Variants in INAVA observed in about 807,000 individuals in gnomAD.
INAVA encodes the protein innate immunity activator protein.
In INAVA, 32 loss-of-function variants were observed where a neutral mutation model predicts 55.3. The ratio of observed to expected loss-of-function variants is 0.58; its 90% CI spans 0.44 to 0.78. The LOEUF is 0.78. Ranked by LOEUF, INAVA falls within the 30% of genes least tolerant of loss-of-function variation. The probability of loss-of-function intolerance (pLI) is 0.00; values close to 1 mark genes in which losing one functional copy is unlikely to be tolerated. For missense variants in INAVA, 756 were observed against 786.4 expected (o/e 0.96, Z 0.46); for synonymous variants, 294 against 329.4 (o/e 0.89, Z 1.16).
At chr1:200,907,690 A>T in intron 5 of INAVA, 144 bp from the exon 6 acceptor site, 1 of 569,746 alleles carries the variant, frequency 1.8e-6, no homozygotes. Context: ...CCCAATGTGT[A>T]TTTAGCACAC....
At chr1:200,909,627 CT>C (rs1168425193) in intron 8 of INAVA, among the ~76,000 whole-genome samples, 1 of 152,230 alleles carries the variant, frequency 6.6e-6, no homozygotes. Flanking sequence ...CTAGTTTTGT[CT>C]TTTTGCATAA....
At position 200,900,124 on chromosome 1, in the gene INAVA, A is replaced by C. The variant is rs762833870; in HGVS notation, c.201A>C (p.Pro67=). The change falls in exon 4 of 10, where the codon CCA becomes CCC. Residue 67 remains proline (P), a synonymous_variant. Transcript: ENST00000413687. ...LREAELTGTL[P]AEYPLKPGEK... is the part of the protein sequence containing the mutation. ...CCCAGGAGCTGACGGGCACCTTGCC[A>C]GCGGAGTATCCCCTCAAACCAGGGG... 6.2e-7 allele frequency: 1 copy of C among 1,613,568 alleles called. No homozygotes were observed.
At position 200,899,606 on chromosome 1, in the gene INAVA, C is replaced by T. The variant is rs752643678; in HGVS notation, c.180+9C>T. ...TCTGCCTTCGGGAAGCGGTGAGGCC[C>T]CAGCCAGCACACACAAGCATCGGGT... On this transcript the variant is annotated intron_variant, in intron 3 of 9. Coordinates refer to ENST00000413687, the MANE Select transcript of INAVA (RefSeq NM_001142569.3). 2.5e-6 allele frequency: 4 copies of T among 1,611,318 alleles called. No individual in the cohort carries two copies. Among genetic ancestry groups the T allele is most frequent in the Non-Finnish European group, 3.4e-6 (4 of 1,179,296 alleles).
At chr1:200,904,184 G>C (rs1373923777) in intron 5 of INAVA, among the ~76,000 whole-genome samples, 1 of 152,100 alleles carries the variant, frequency 6.6e-6, no homozygotes, top group Admixed American at 6.5e-5. Context: ...CACCTACCGG[G>C]TTTAAGCGAT....
At chr1:200,896,908 G>A (rs919427514) in intron 1 of INAVA, among the ~76,000 whole-genome samples, 2 of 152,262 alleles carry the variant, frequency 1.3e-5, no homozygotes, top group Admixed American at 1.3e-4. Flanking sequence ...ACAGAAACTC[G>A]GAAGGACTTT....
chr1:200,900,482 C>A (rs1451107695), intron 4 of INAVA, among the ~76,000 whole-genome samples: 1 of 152,230 alleles, frequency 6.6e-6, no homozygotes, highest in Non-Finnish European at 1.5e-5. Flanking sequence ...CAGTTAAGAG[C>A]ACCAGCCACC....
At chr1:200,896,103 A>C (rs1668345033) in intron 1 of INAVA, among the ~76,000 whole-genome samples, 1 of 152,114 alleles carries the variant, frequency 6.6e-6, no homozygotes, top group African/African-American at 2.4e-5. Flanking sequence ...CTGTCCCTGT[A>C]AGTCCCCACT....
In INAVA at chr1:200,909,381, C is replaced by A; in HGVS notation, c.943C>A (p.Gln315Lys). The change falls in exon 8 of 10, where the codon CAG becomes AAG. Residue 315 changes from glutamine to lysine, a missense_variant. Physicochemically the swap from Gln to Lys is moderately conservative, Grantham distance 53. Around this residue, in one of 2 missense-constraint regions of INAVA, gnomAD observed 639 missense variants for 624.3 expected, o/e 1.02. Transcript: ENST00000413687. Reference protein sequence around the residue: ...ATPEIQGRRGQSQSLRVDSFR... With the variant: ...ATPEIQGRRGKSQSLRVDSFR... ...CCCTGAGATACAGGGGAGGAGGGGC[C>A]AGTCGCAGTCTCTGAGGTAAGAGAC... is the stretch of plus-strand genomic sequence containing the variant. The A allele has an allele frequency of 6.2e-7, 1 of 1,600,428 alleles. No homozygotes were observed.
intron 2 of INAVA, among the ~76,000 whole-genome samples, chr1:200,899,048 CT>C (rs932491358): frequency 4.3e-4 from 65 of 152,268 alleles, no homozygotes; most frequent in African/African-American, 1.5e-3. Flanking sequence ...TGGGCCTAGT[CT>C]GGCCTAGTCT....
At chr1:200,910,161 A>G (rs1653656861) in intron 8 of INAVA, among the ~76,000 whole-genome samples, 1 of 152,192 alleles carries the variant, frequency 6.6e-6, no homozygotes, top group African/African-American at 2.4e-5. Context: ...ATGCCACAAA[A>G]AGGACACTGT....
upstream of INAVA, among the ~76,000 whole-genome samples, chr1:200,893,993 T>C (rs776792411): frequency 3.2e-4 from 49 of 151,942 alleles, no homozygotes; most frequent in Non-Finnish European, 5.9e-4. Flanking sequence ...ACTTGAGGGG[T>C]GCAGCCTGCT....
Position 200,909,508 on chromosome 1 carries a change from C to A in INAVA, c.959+111C>A. The A allele has an allele frequency of 4.0e-6, 4 of 991,868 alleles. No individual in the cohort carries two copies. The South Asian group carries it at 1.4e-4, about 35-fold the overall frequency. 61.4% of individuals were successfully genotyped at this position (991,868 alleles called of 1,614,324 possible). Reference sequence around the variant, plus strand: ...AACCCTGGGTGACACATGGCTAGTGCCTTGACTTCTCTTAGGATCTCTTCT... The same window carrying A: ...AACCCTGGGTGACACATGGCTAGTGACTTGACTTCTCTTAGGATCTCTTCT... On this transcript the variant is annotated intron_variant, in intron 8 of 9. Coordinates refer to ENST00000413687, the MANE Select transcript of INAVA (RefSeq NM_001142569.3).
chr1:200,913,872 C>T lies in INAVA; in HGVS notation c.*243C>T, dbSNP rs1399546707. 3.8e-5 allele frequency: 19 copies of T among 495,530 alleles called. No individual in the cohort carries two copies. In the South Asian group the frequency reaches 4.5e-4, roughly 12 times the overall value. The allele number at this position is 495,530 out of a possible 1,614,324, so 30.7% of individuals were successfully genotyped here. A position where few individuals can be genotyped will look rare whatever the true frequency, so the allele number is the denominator to read the frequency against. ...GTTTTATCCCCCAGAGTTTGGCCTACTGGACTTAAGGCCTTGCCTGTCTGA... is the reference window on the plus strand; with the variant it reads ...GTTTTATCCCCCAGAGTTTGGCCTATTGGACTTAAGGCCTTGCCTGTCTGA... On this transcript the variant is annotated 3_prime_UTR_variant, in exon 10 of 10. Coordinates refer to ENST00000413687, the MANE Select transcript of INAVA (RefSeq NM_001142569.3).
chr1:200,894,903 A>G lies in INAVA; in HGVS notation c.-279A>G. On this transcript the variant is annotated 5_prime_UTR_variant, in exon 1 of 10. Coordinates refer to ENST00000413687, the MANE Select transcript of INAVA (RefSeq NM_001142569.3). The stretch of plus-strand genomic sequence containing the variant: ...AGTAACCTGGTTCCCCTGGCCCGGC[A>G]GCCTGGGAGGGACGGCAAGGTAGGC... 1.0e-6 allele frequency: 1 copy of G among 985,502 alleles called. No homozygotes were observed. Among genetic ancestry groups the G allele is most frequent in the Non-Finnish European group, 1.2e-6 (1 of 830,048 alleles). 61.0% of individuals were successfully genotyped at this position (985,502 alleles called of 1,614,324 possible).
intron 5 of INAVA, among the ~76,000 whole-genome samples, chr1:200,902,186 G>A (rs560625682): frequency 1.3e-5 from 2 of 152,330 alleles, no homozygotes; most frequent in South Asian, 4.1e-4. Flanking sequence ...TCCCATCCCT[G>A]CATATCGTGT....
chr1:200,911,160 TA>T (rs199816216), intron 8 of INAVA, among the ~76,000 whole-genome samples: 6 of 112,428 alleles, frequency 5.3e-5, no homozygotes, highest in African/African-American at 1.6e-4. Context: ...TGTAGTACTT[TA>T]AAAAAAGTAC....
At chr1:200,897,391 G>T (rs988767582) in intron 1 of INAVA, among the ~76,000 whole-genome samples, 5 of 152,174 alleles carry the variant, frequency 3.3e-5, no homozygotes, top group African/African-American at 1.2e-4. Context: ...TGAGGGCTTT[G>T]GGACAGCTCT....
At chr1:200,907,703 A>T in intron 5 of INAVA, 131 bp from the exon 6 acceptor site, 1 of 609,474 alleles carries the variant, frequency 1.6e-6, no homozygotes, top group Non-Finnish European at 2.9e-6. Context: ...TAGCACACAG[A>T]GGGTATTTCC....
intron 5 of INAVA, among the ~76,000 whole-genome samples, chr1:200,904,838 T>C (rs1653416179): frequency 6.6e-6 from 1 of 152,118 alleles, no homozygotes. Flanking sequence ...GCTCAAGTGA[T>C]CTTCCTTCCT....
Sources: gnomAD v4.1 joint callset for allele counts (sites outside exome capture counted in the v4.1 genomes callset) on GRCh38, gnomAD v4.1.1 for gene constraint, gnomAD v4.1.1 regional missense constraint, MANE v1.5 for transcripts, NCBI Gene and HGNC (gene_info 2026-07-23, HGNC 2026-07-21) for gene names.